The following MAST4 variants were observed in gnomAD, a reference collection of about 807,000 sequenced individuals.
The protein encoded by MAST4 is microtubule associated serine/threonine kinase family member 4.
A neutral mutation model predicts 162.7 loss-of-function variants in MAST4; 89 were observed. The observed-to-expected ratio is 0.55, with a 90% CI of 0.46 to 0.65. The LOEUF (loss-of-function observed/expected upper bound fraction) is 0.65, where lower values mean the gene tolerates loss of function less well. Ranked by LOEUF, MAST4 falls within the 30% of genes least tolerant of loss-of-function variation. MAST4 has a pLI of 0.00. For missense variants in MAST4, 3,153 were observed against 3,374.0 expected (o/e 0.93, Z 1.62); for synonymous variants, 1,479 against 1,361.1 (o/e 1.09, Z -1.91).
intron 4 of MAST4, among the ~76,000 whole-genome samples, chr5:66,965,225 CTTTTTTTT>C (rs1187971815): frequency 1.2e-5 from 1 of 84,898 alleles, no homozygotes; most frequent in Non-Finnish European, 2.4e-5. Context: ...TTTTTTTTTG[CTTTTTTTT>C]TTTTTTTTTC....
At chr5:66,963,183 A>C (rs1309244892) in intron 4 of MAST4, among the ~76,000 whole-genome samples, 1 of 152,222 alleles carries the variant, frequency 6.6e-6, no homozygotes, top group East Asian at 1.9e-4. Flanking sequence ...TTTTGAATAT[A>C]TGCATAGGAA....
intron 1 of MAST4, among the ~76,000 whole-genome samples, chr5:66,733,788 A>G (rs1483397483): frequency 6.6e-6 from 1 of 151,986 alleles, no homozygotes; most frequent in African/African-American, 2.4e-5. Flanking sequence ...AAGTGAAATT[A>G]TAATAGAAGA....
At chr5:66,699,429 A>G (rs1220374921) in intron 1 of MAST4, among the ~76,000 whole-genome samples, 7 of 152,168 alleles carry the variant, frequency 4.6e-5, no homozygotes, top group East Asian at 1.9e-4. Context: ...ATGTTCATCC[A>G]TCTCACTTTG....
chr5:67,090,628 A>G (rs1347195743), intron 6 of MAST4, among the ~76,000 whole-genome samples: 2 of 150,512 alleles, frequency 1.3e-5, no homozygotes, highest in Non-Finnish European at 3.0e-5. Context: ...CATTGAGAAA[A>G]AGCCATGCAT....
At chr5:66,863,640 G>A (rs1470063228) in intron 3 of MAST4, among the ~76,000 whole-genome samples, 1 of 151,840 alleles carries the variant, frequency 6.6e-6, no homozygotes, top group Non-Finnish European at 1.5e-5. Flanking sequence ...CTCCTCAGCT[G>A]CCACACGTCA....
At chr5:66,644,250 A>G (rs1426324244) in intron 1 of MAST4, among the ~76,000 whole-genome samples, 5 of 152,100 alleles carry the variant, frequency 3.3e-5, no homozygotes, top group Admixed American at 6.6e-5. Flanking sequence ...TTTATGTAAT[A>G]GGGATTTACT....
At chr5:66,955,980 T>TG (rs1034546425) in intron 4 of MAST4, among the ~76,000 whole-genome samples, 16 of 144,354 alleles carry the variant, frequency 1.1e-4, no homozygotes, top group Admixed American at 2.7e-4. Context: ...AGGTTTTTTT[T>TG]TTTGTTTGTT....
chr5:66,618,783 T>A (rs1743883709), intron 1 of MAST4, among the ~76,000 whole-genome samples: 1 of 152,214 alleles, frequency 6.6e-6, no homozygotes, highest in African/African-American at 2.4e-5. Context: ...GAATCGCTAG[T>A]GCACTTTTTG....
At chr5:66,816,649 T>G (rs1756741194) in intron 3 of MAST4, among the ~76,000 whole-genome samples, 2 of 152,156 alleles carry the variant, frequency 1.3e-5, no homozygotes, top group African/African-American at 4.8e-5. Context: ...CCAGGCCCAC[T>G]GTACCCCGGC....
intron 26 of MAST4, among the ~76,000 whole-genome samples, chr5:67,157,644 G>A (rs530232249): frequency 5.3e-5 from 8 of 152,310 alleles, no homozygotes; most frequent in South Asian, 2.1e-4. Context: ...GAGGACTGGG[G>A]GGCATTCCCT....
chr5:66,747,938 T>G (rs570717519), intron 1 of MAST4, among the ~76,000 whole-genome samples: 1 of 152,116 alleles, frequency 6.6e-6, no homozygotes, highest in Admixed American at 6.5e-5. Context: ...AACTGCTGGT[T>G]TAGAGGGTAA....
At chr5:66,917,592 TTC>T (rs1382814302) in intron 4 of MAST4, among the ~76,000 whole-genome samples, 4 of 77,142 alleles carry the variant, frequency 5.2e-5, no homozygotes, top group Admixed American at 1.4e-4. Context: ...AGGATTCTCT[TTC>T]TTTTTTTTTT....
intron 4 of MAST4, among the ~76,000 whole-genome samples, chr5:66,992,239 T>C (rs1437367927): frequency 6.6e-6 from 1 of 152,214 alleles, no homozygotes; most frequent in Non-Finnish European, 1.5e-5. Context: ...AATGATCATT[T>C]TTGGTGTCTG....
intron 9 of MAST4, among the ~76,000 whole-genome samples, chr5:67,103,537 G>T (rs939599945): frequency 1.3e-5 from 2 of 152,182 alleles, no homozygotes; most frequent in Non-Finnish European, 2.9e-5. Context: ...GAAGGAGAGG[G>T]AGTCTCCCTG....
chr5:67,026,675 T>C (rs1754687809), intron 4 of MAST4, among the ~76,000 whole-genome samples: 1 of 152,160 alleles, frequency 6.6e-6, no homozygotes, highest in Non-Finnish European at 1.5e-5. Flanking sequence ...CAGTTTTCTA[T>C]CATGGTCATT....
chr5:67,121,100 T>C lies in MAST4; in HGVS notation c.1743T>C (p.Tyr581=), dbSNP rs371218131. The part of the protein sequence containing the change: ...ETIKLISNGA[Y]GAVYFVRHKE... ...TTAAATTGATTAGCAATGGAGCCTATGGGTGAGTAATTCAAGAAAAGCTCT... is the reference window on the plus strand; with the variant it reads ...TTAAATTGATTAGCAATGGAGCCTACGGGTGAGTAATTCAAGAAAAGCTCT... The change falls in exon 14 of 29, where the codon TAT becomes TAC. Residue 581 remains tyrosine, a splice_region_variant and synonymous_variant. Transcript: ENST00000403625. The C allele has an allele frequency of 1.8e-5, 29 of 1,599,274 alleles. No homozygotes were observed. The highest frequency in any genetic ancestry group is 4.0e-5 in the African/African-American group (3 of 74,668).
intron 2 of MAST4, among the ~76,000 whole-genome samples, chr5:66,788,252 C>T (rs1476456578): frequency 6.6e-6 from 1 of 152,184 alleles, no homozygotes; most frequent in East Asian, 1.9e-4. Context: ...ATGATCTCCA[C>T]TTTGTAGATT....
chr5:66,609,689 GTGTTTTTTTTTTTT>G (rs60756704), intron 1 of MAST4, among the ~76,000 whole-genome samples: 9,869 of 142,966 alleles, frequency 0.069, 776 homozygotes, highest in African/African-American at 0.21. Context: ...GCCCAGCCTG[GTGTTTTTTTTTTTT>G]TGTTTTTTTT....
chr5:66,788,444 C>T (rs966918108), intron 2 of MAST4, among the ~76,000 whole-genome samples: 1 of 152,184 alleles, frequency 6.6e-6, no homozygotes, highest in Non-Finnish European at 1.5e-5. Flanking sequence ...TGAGGCTACA[C>T]TCATGCAGGA....
Sources: allele counts gnomAD v4.1 joint callset (sites outside exome capture counted in the v4.1 genomes callset), GRCh38; gene constraint gnomAD v4.1.1; transcripts MANE v1.5; gene names NCBI Gene and HGNC (gene_info 2026-07-23, HGNC 2026-07-21).